Variants in WWP1 observed in about 807,000 individuals in gnomAD.
The protein encoded by WWP1 is WW domain containing E3 ubiquitin protein ligase 1, also known as NEDD4-like E3 ubiquitin-protein ligase WWP1.
Under a neutral mutation model 130.6 loss-of-function variants are expected in WWP1, and 49 were observed. The ratio of observed to expected loss-of-function variants is 0.38; its 90% CI spans 0.30 to 0.48. The LOEUF (loss-of-function observed/expected upper bound fraction) is 0.48, where lower values mean the gene tolerates loss of function less well. Ranked by LOEUF, WWP1 falls within the 20% of genes least tolerant of loss-of-function variation. The pLI, the probability that WWP1 is intolerant of heterozygous loss-of-function variation, is 0.99. For missense variants in WWP1, 809 were observed against 1,100.6 expected, an observed-to-expected ratio of 0.74 and a Z score of 3.75; for synonymous variants, 332 against 367.8, an observed-to-expected ratio of 0.90 and a Z score of 1.11.
At chr8:86,385,917 A>C (rs1439248043) in intron 5 of WWP1, among the ~76,000 whole-genome samples, 1 of 152,242 alleles carries the variant, frequency 6.6e-6, no homozygotes, top group Non-Finnish European at 1.5e-5. Flanking sequence ...AGCCATGCAC[A>C]TGCTCACATG....
chr8:86,462,879 G>GAA (rs796454840), intron 24 of WWP1, among the ~76,000 whole-genome samples: 2 of 111,766 alleles, frequency 1.8e-5, no homozygotes, highest in East Asian at 4.9e-4. Context: ...GAGGTTTAAA[G>GAA]AAAAAAAAAA....
At chr8:86,388,536 T>C (rs1021321954) in intron 5 of WWP1, among the ~76,000 whole-genome samples, 1 of 152,222 alleles carries the variant, frequency 6.6e-6, no homozygotes, top group Admixed American at 6.5e-5. Flanking sequence ...GGCACACTTT[T>C]TGATATAATC....
intron 1 of WWP1, among the ~76,000 whole-genome samples, chr8:86,362,534 AT>A (rs541946881): frequency 6.4e-4 from 98 of 152,188 alleles, no homozygotes; most frequent in African/African-American, 2.2e-3. Context: ...CTTAGACATC[AT>A]TATTTTAGGA....
At chr8:86,366,154 T>C (rs969908858) in intron 1 of WWP1, among the ~76,000 whole-genome samples, 12 of 152,210 alleles carry the variant, frequency 7.9e-5, no homozygotes, top group African/African-American at 2.7e-4. Context: ...AGACCAATTC[T>C]AAGGGAAGAG....
At chr8:86,396,099 GTTTTC>G (rs1379282144) in intron 5 of WWP1, among the ~76,000 whole-genome samples, 2 of 150,682 alleles carry the variant, frequency 1.3e-5, no homozygotes, top group Non-Finnish European at 3.0e-5. Flanking sequence ...TGCTTTTGTA[GTTTTC>G]TTTTTTTTTT....
chr8:86,466,786 C>T lies in WWP1; in HGVS notation c.2670-8C>T. On this transcript the variant is annotated splice_region_variant and splice_polypyrimidine_tract_variant and intron_variant, in intron 24 of 24. Transcript: ENST00000517970. The stretch of plus-strand genomic sequence containing the variant: ...AAAACATCTGATTTTGTTTTTGTTT[C>T]TGTTCAGTTTTAATCGCTTGGATCT... 6 of 1,531,664 alleles carry T rather than the reference C, an allele frequency of 3.9e-6. No homozygotes were observed. Among genetic ancestry groups the T allele is most frequent in the South Asian group, 1.3e-5 (1 of 79,216 alleles). The allele number at this position is 1,531,664 out of a possible 1,614,324, so 94.9% of individuals were successfully genotyped here. A position where few individuals can be genotyped will look rare whatever the true frequency, so the allele number is the denominator to read the frequency against.
At chr8:86,460,700 T>A (rs1246085406) in intron 22 of WWP1, among the ~76,000 whole-genome samples, 1 of 151,294 alleles carries the variant, frequency 6.6e-6, no homozygotes, top group Admixed American at 6.6e-5. Flanking sequence ...CGTGTTCTCA[T>A]GAGGATGAAC....
chr8:86,381,683 G>C, intron 5 of WWP1, 54 bp downstream of exon 5: 1 of 1,461,424 alleles, frequency 6.8e-7, no homozygotes, highest in Non-Finnish European at 9.1e-7. Flanking sequence ...TAGACACTTT[G>C]AACATATCCT....
chr8:86,432,138 C>G (rs918432198), intron 14 of WWP1, among the ~76,000 whole-genome samples: 8 of 152,162 alleles, frequency 5.3e-5, no homozygotes, highest in Non-Finnish European at 1.2e-4. Flanking sequence ...TGTCTAGACT[C>G]TGTGCTCTTA....
At chr8:86,401,635 T>G (rs986227559) in intron 7 of WWP1, among the ~76,000 whole-genome samples, 1 of 152,176 alleles carries the variant, frequency 6.6e-6, no homozygotes, top group Non-Finnish European at 1.5e-5. Context: ...TTGAAACTAC[T>G]TTCAGAGCTT....
At chr8:86,381,414 A>T in intron 4 of WWP1, 91 bp from the exon 5 acceptor site, 2 of 1,417,030 alleles carry the variant, frequency 1.4e-6, no homozygotes, top group Non-Finnish European at 1.9e-6. Context: ...TTAAAACATT[A>T]CTGAAATAAA....
intron 5 of WWP1, among the ~76,000 whole-genome samples, chr8:86,394,248 A>T (rs1807521159): frequency 6.6e-6 from 1 of 152,232 alleles, no homozygotes. Flanking sequence ...TTACCTAGTT[A>T]TATACCTACC....
At chr8:86,439,309 C>G (rs1050865342) in intron 17 of WWP1, among the ~76,000 whole-genome samples, 6 of 142,462 alleles carry the variant, frequency 4.2e-5, no homozygotes, top group Non-Finnish European at 9.0e-5. Context: ...TGCCACTGCA[C>G]TCCAGCCTGG....
chr8:86,411,838 AG>A lies in WWP1; in HGVS notation c.1026del (p.Gln342HisfsTer107). On this transcript the variant is annotated frameshift_variant, in exon 9 of 25. Coordinates refer to ENST00000517970, the MANE Select transcript of WWP1 (RefSeq NM_007013.4). LOFTEE classifies it high-confidence loss of function. ...PDGCMDPVRQ[Q>X]SGNANTETLP... ...GGGTGTATGGATCCTGTACGGCAGCAGTCTGGGAATGCCAACACAGAAACCT... is the reference window on the plus strand; with the variant it reads ...GGGTGTATGGATCCTGTACGGCAGCATCTGGGAATGCCAACACAGAAACCT... The A allele has an allele frequency of 6.2e-7, 1 of 1,611,946 alleles. No homozygotes were observed. Among genetic ancestry groups the A allele is most frequent in the Non-Finnish European group, 8.5e-7 (1 of 1,178,464 alleles).
rs572609112 is a variant in WWP1 at position 86,441,308 on chromosome 8, A to G, written c.1839-1311A>G. 1.7e-3 allele frequency among the ~76,000 whole-genome samples: 254 copies of G among 152,260 alleles called. 1 individual carries two copies. Among genetic ancestry groups the G allele is most frequent in the African/African-American group, 5.7e-3 (238 of 41,550 alleles). On this transcript the variant is annotated intron_variant, in intron 17 of 24. Coordinates refer to ENST00000517970, the MANE Select transcript of WWP1 (RefSeq NM_007013.4). ...GAAGTCACTTGGTTCAACTACTACT[A>G]TGTTACAACTGGACTTAGTTTTAAT...
intron 5 of WWP1, among the ~76,000 whole-genome samples, chr8:86,393,053 CAG>C (rs1484228936): frequency 6.6e-6 from 1 of 152,138 alleles, no homozygotes; most frequent in Non-Finnish European, 1.5e-5. Context: ...TTAATAAGGT[CAG>C]ATGTTTATTA....
intron 9 of WWP1, among the ~76,000 whole-genome samples, chr8:86,420,171 G>A (rs1054513492): frequency 9.2e-5 from 14 of 152,216 alleles, no homozygotes; most frequent in Non-Finnish European, 1.6e-4. Flanking sequence ...AAGGAATGCC[G>A]CACAATGATA....
chr8:86,423,320 G>T (rs1194939297), intron 9 of WWP1, among the ~76,000 whole-genome samples: 2 of 152,148 alleles, frequency 1.3e-5, no homozygotes, highest in African/African-American at 2.4e-5. Flanking sequence ...AAGGTCAGCA[G>T]ATAAACAAGT....
chr8:86,387,211 C>T (rs1304695595), intron 5 of WWP1, among the ~76,000 whole-genome samples: 2 of 151,034 alleles, frequency 1.3e-5, no homozygotes, highest in African/African-American at 4.9e-5. Flanking sequence ...ATTAAATGAC[C>T]CTTATTTTCA....
Sources: allele counts gnomAD v4.1 joint callset (sites outside exome capture counted in the v4.1 genomes callset), GRCh38; gene constraint gnomAD v4.1.1; transcripts MANE v1.5; gene names NCBI Gene and HGNC (gene_info 2026-07-23, HGNC 2026-07-21).